The following TTC28 variants were observed in gnomAD, a reference collection of about 807,000 sequenced individuals.
The protein encoded by TTC28 is tetratricopeptide repeat domain 28, also known as tetratricopeptide repeat protein 28.
A neutral mutation model predicts 198.0 loss-of-function variants in TTC28; 61 were observed. The observed-to-expected ratio is 0.31, with a 90% confidence interval of 0.25 to 0.38. The LOEUF is 0.38. Among genes scored for constraint, TTC28 ranks in the 10% least tolerant of loss-of-function variants. The probability of loss-of-function intolerance (pLI) is 1.00; values close to 1 mark genes in which losing one functional copy is unlikely to be tolerated. For missense variants in TTC28, 2,678 were observed against 3,164.0 expected, an observed-to-expected ratio of 0.85 and a Z score of 3.69; for synonymous variants, 1,171 against 1,297.8, an observed-to-expected ratio of 0.90 and a Z score of 2.10.
At chr22:28,284,265 A>G (rs572034939) in intron 5 of TTC28, among the ~76,000 whole-genome samples, 1 of 152,314 alleles carries the variant, frequency 6.6e-6, no homozygotes, top group East Asian at 1.9e-4. Flanking sequence ...CTTTCCCACC[A>G]GAAGCTCCCA....
At chr22:28,491,750 T>C (rs1402447198) in intron 2 of TTC28, among the ~76,000 whole-genome samples, 2 of 152,164 alleles carry the variant, frequency 1.3e-5, no homozygotes, top group African/African-American at 2.4e-5. Flanking sequence ...CCCAGCCATC[T>C]CATTACTGGG....
At chr22:28,427,152 T>C (rs1369450808) in intron 2 of TTC28, among the ~76,000 whole-genome samples, 2 of 152,236 alleles carry the variant, frequency 1.3e-5, no homozygotes, top group Non-Finnish European at 2.9e-5. Flanking sequence ...TTGTCATGTC[T>C]CTGGGGAAAT....
intron 1 of TTC28, among the ~76,000 whole-genome samples, chr22:28,676,237 C>T (rs1382923183): frequency 6.6e-6 from 1 of 152,144 alleles, no homozygotes; most frequent in African/African-American, 2.4e-5. Flanking sequence ...AACACTGTGC[C>T]ACGTGAAATA....
intron 2 of TTC28, among the ~76,000 whole-genome samples, chr22:28,499,084 T>TGGG (rs2048499262): frequency 6.6e-6 from 1 of 151,998 alleles, no homozygotes; most frequent in Non-Finnish European, 1.5e-5. Flanking sequence ...AGGCTGAGGT[T>TGGG]GGGGGATTGT....
intron 2 of TTC28, among the ~76,000 whole-genome samples, chr22:28,367,366 A>G (rs1377349739): frequency 6.6e-6 from 1 of 152,114 alleles, no homozygotes; most frequent in African/African-American, 2.4e-5. Flanking sequence ...ATGAAGAAGG[A>G]AAATGAAAAT....
At chr22:28,656,125 C>A (rs1477018809) in intron 1 of TTC28, among the ~76,000 whole-genome samples, 2 of 152,206 alleles carry the variant, frequency 1.3e-5, no homozygotes, top group African/African-American at 4.8e-5. Context: ...GCTGAGTTAA[C>A]AAACGCTCAG....
chr22:28,311,830 C>T (rs1464197920), intron 2 of TTC28, among the ~76,000 whole-genome samples: 34 of 151,994 alleles, frequency 2.2e-4, no homozygotes, highest in Non-Finnish European at 7.4e-5. Context: ...ACTACCCTTT[C>T]CCAGACTCTG....
intron 2 of TTC28, among the ~76,000 whole-genome samples, chr22:28,486,137 G>A (rs2048312229): frequency 6.6e-6 from 1 of 151,858 alleles, no homozygotes; most frequent in South Asian, 2.1e-4. Flanking sequence ...TCTTCCTGTG[G>A]GATATTGTAC....
At chr22:28,492,566 G>T (rs1043941250) in intron 2 of TTC28, among the ~76,000 whole-genome samples, 1 of 152,166 alleles carries the variant, frequency 6.6e-6, no homozygotes, top group Non-Finnish European at 1.5e-5. Context: ...TTTTGAAGCT[G>T]TAAAGTCAAT....
chr22:28,026,538 A>C (rs1033252605), intron 13 of TTC28, among the ~76,000 whole-genome samples: 6 of 152,164 alleles, frequency 3.9e-5, no homozygotes, highest in African/African-American at 1.2e-4. Flanking sequence ...TTCCCCATGT[A>C]GCAGGACCCC....
chr22:28,439,097 A>T (rs185332126), intron 2 of TTC28, among the ~76,000 whole-genome samples: 5 of 152,344 alleles, frequency 3.3e-5, no homozygotes, highest in Non-Finnish European at 4.4e-5. Context: ...ATTTACTTTC[A>T]TAACAAATAA....
intron 12 of TTC28, among the ~76,000 whole-genome samples, chr22:28,036,131 C>G (rs750467800): frequency 1.1e-4 from 16 of 152,128 alleles, no homozygotes; most frequent in Non-Finnish European, 2.1e-4. Context: ...CAGCTCTGGA[C>G]CAAGTGGACC....
intron 12 of TTC28, among the ~76,000 whole-genome samples, chr22:28,068,082 A>G (rs1601583610): frequency 6.6e-6 from 1 of 152,314 alleles, no homozygotes; most frequent in Admixed American, 6.5e-5. Flanking sequence ...TATACACCCC[A>G]GGCAACACCC....
At chr22:28,673,321 C>T (rs1459820085) in intron 1 of TTC28, among the ~76,000 whole-genome samples, 2 of 152,072 alleles carry the variant, frequency 1.3e-5, no homozygotes, top group African/African-American at 4.8e-5. Flanking sequence ...TTGCAGTGAG[C>T]AGAGATCGCG....
intron 5 of TTC28, among the ~76,000 whole-genome samples, chr22:28,283,499 C>T (rs2044624069): frequency 6.6e-6 from 1 of 152,120 alleles, no homozygotes; most frequent in East Asian, 1.9e-4. Context: ...CAAAAATCAT[C>T]TAATTAATTT....
chr22:28,315,627 T>C (rs34176007), intron 2 of TTC28, among the ~76,000 whole-genome samples: 3,811 of 152,342 alleles, frequency 0.025, 74 homozygotes, highest in Non-Finnish European at 0.039. Flanking sequence ...ATGCCATTTA[T>C]TGAAAAGAGT....
intron 2 of TTC28, among the ~76,000 whole-genome samples, chr22:28,597,721 AGAAT>A (rs1477517403): frequency 6.6e-6 from 1 of 152,232 alleles, no homozygotes; most frequent in Non-Finnish European, 1.5e-5. Context: ...GTACATAAGG[AGAAT>A]GAATACTATT....
chr22:28,296,127 T>C (rs186096050), intron 5 of TTC28, 71 bp downstream of exon 5: 2 of 1,450,290 alleles, frequency 1.4e-6, no homozygotes, highest in Admixed American at 5.1e-5. Flanking sequence ...CAGTTTGTTT[T>C]TAACAGAAAA....
intron 2 of TTC28, among the ~76,000 whole-genome samples, chr22:28,428,125 C>CAAA (rs374249842): frequency 1.0e-5 from 1 of 99,920 alleles, no homozygotes; most frequent in East Asian, 2.8e-4. Flanking sequence ...TACCGTAAGA[C>CAAA]AAAAAAAAAA....
Sources: gnomAD v4.1 joint callset for allele counts (sites outside exome capture counted in the v4.1 genomes callset) on GRCh38, gnomAD v4.1.1 for gene constraint, MANE v1.5 for transcripts, NCBI Gene and HGNC (gene_info 2026-07-23, HGNC 2026-07-21) for gene names.